DENND2B: variants seen among roughly 807,000 people sequenced by gnomAD.
The protein encoded by DENND2B is DENN domain containing 2B, also known as DENN domain-containing protein 2B.
DENND2B carries 32 observed loss-of-function variants against 116.0 expected under a neutral mutation model. The observed-to-expected ratio is 0.28, with a 90% CI of 0.21 to 0.37. The LOEUF is 0.37. Among genes scored for constraint, DENND2B ranks in the 10% least tolerant of loss-of-function variants. The pLI, the probability that DENND2B is intolerant of heterozygous loss-of-function variation, is 1.00. For synonymous variants in DENND2B, 588 were observed against 583.9 expected, an observed-to-expected ratio of 1.01 and a Z score of -0.10; for missense variants, 1,276 against 1,477.7, an observed-to-expected ratio of 0.86 and a Z score of 2.24.
intron 1 of DENND2B, among the ~76,000 whole-genome samples, chr11:8,908,705 C>T (rs531373081): frequency 6.6e-6 from 1 of 152,360 alleles, no homozygotes; most frequent in Admixed American, 6.5e-5. Context: ...ATCCTCCCAG[C>T]TGAACATAGT....
At chr11:8,698,073 C>G in intron 16 of DENND2B, 1 of 296,406 alleles carries the variant, frequency 3.4e-6, no homozygotes, top group Admixed American at 5.2e-5. Flanking sequence ...CCAGGCAGGT[C>G]GAGGCTGCAG....
chr11:8,852,316 G>A (rs1008262564), intron 3 of DENND2B, among the ~76,000 whole-genome samples: 3 of 152,110 alleles, frequency 2.0e-5, no homozygotes, highest in African/African-American at 4.8e-5. Flanking sequence ...AAGAGCTTTC[G>A]TGGTTCATTA....
chr11:8,727,498 C>T (rs1006911790), intron 3 of DENND2B, among the ~76,000 whole-genome samples: 2 of 152,174 alleles, frequency 1.3e-5, no homozygotes, highest in African/African-American at 4.8e-5. Context: ...TCTCCTTTTC[C>T]ATTTGCCTTT....
At position 8,702,918 on chromosome 11, in the gene DENND2B, C is replaced by G. The variant is rs1388533540; in HGVS notation, c.2572-198G>C. On this transcript the variant is annotated intron_variant, in intron 13 of 19. Coordinates refer to ENST00000313726, the MANE Select transcript of DENND2B (RefSeq NM_213618.2). This position sits in a 1 kb window ranked among gnomAD's most constrained non-coding sequence, Gnocchi z 4.6. ...GCTCTCGTAGCACTCGAACACCCAG[C>G]CTGTGGGCAAGAGGGCTGCCTGTGA... 2 of 672,244 alleles carry G rather than the reference C, an allele frequency of 3.0e-6. No individual in the cohort carries two copies. The highest frequency in any genetic ancestry group is 2.9e-5 in the East Asian group (1 of 34,544). 41.6% of individuals were successfully genotyped at this position (672,244 alleles called of 1,614,324 possible).
intron 1 of DENND2B, among the ~76,000 whole-genome samples, chr11:8,801,088 A>G (rs2060267781): frequency 6.6e-6 from 1 of 151,204 alleles, no homozygotes; most frequent in Non-Finnish European, 1.5e-5. Context: ...AGCCTTCCCA[A>G]TTCCCATTCT....
chr11:8,802,299 G>A (rs1355495050), intron 1 of DENND2B, among the ~76,000 whole-genome samples: 13 of 144,584 alleles, frequency 9.0e-5, no homozygotes, highest in African/African-American at 1.0e-4. Flanking sequence ...ACTCTGTCTG[G>A]AAAAAAAAAA....
chr11:8,836,572 C>T lies in DENND2B; in HGVS notation c.-115+2738G>A, dbSNP rs112161288. Among the ~76,000 whole-genome samples, 413 of 152,090 alleles carry T rather than the reference C, an allele frequency of 2.7e-3. 2 individuals are homozygous for T. The highest frequency in any genetic ancestry group is 9.7e-3 in the African/African-American group (402 of 41,458). ...AAGTAGCTGTGATTACAGGCATTCG[C>T]CACCATACCCGGCTAATTTTTGTAT... On this transcript the variant is annotated intron_variant, in intron 4 of 6. Transcript: ENST00000524757.
chr11:8,714,579 C>A (rs1336696146), intron 7 of DENND2B, 31 bp downstream of exon 7: 1 of 1,594,466 alleles, frequency 6.3e-7, no homozygotes, highest in Non-Finnish European at 8.6e-7. Flanking sequence ...GGGCCCCAAA[C>A]AGCTGAACCA....
intron 1 of DENND2B, among the ~76,000 whole-genome samples, chr11:8,767,107 G>A (rs930293868): frequency 1.3e-4 from 20 of 152,208 alleles, no homozygotes; most frequent in Admixed American, 6.5e-4. Context: ...GCTCCAGGCT[G>A]GAACACTCCC....
chr11:8,824,669 G>A (rs1404053889), intron 4 of DENND2B, among the ~76,000 whole-genome samples: 3 of 151,696 alleles, frequency 2.0e-5, no homozygotes, highest in Non-Finnish European at 2.9e-5. Flanking sequence ...ACATGTGCTT[G>A]TATCTTTATA....
chr11:8,819,090 T>C (rs1241556969), intron 4 of DENND2B, among the ~76,000 whole-genome samples: 1 of 152,228 alleles, frequency 6.6e-6, no homozygotes, highest in African/African-American at 2.4e-5. Context: ...TATTGTTTTA[T>C]AGCAGGTAGA....
intron 11 of DENND2B, among the ~76,000 whole-genome samples, chr11:8,710,222 A>G (rs1210524390): frequency 6.6e-6 from 1 of 152,116 alleles, no homozygotes; most frequent in Non-Finnish European, 1.5e-5. Context: ...TACCCAATCT[A>G]TTTCCCAGGA....
At chr11:8,748,930 T>G (rs1176101702) in intron 2 of DENND2B, among the ~76,000 whole-genome samples, 1 of 151,730 alleles carries the variant, frequency 6.6e-6, no homozygotes, top group Admixed American at 6.6e-5. Flanking sequence ...ATGGTGGAAA[T>G]TAGAAGGAAA....
chr11:8,718,340 G>A (rs1287033048), intron 4 of DENND2B: 15 of 1,530,364 alleles, frequency 9.8e-6, no homozygotes, highest in Non-Finnish European at 1.3e-5. Context: ...ACTCTCAGGG[G>A]ATCTCCCTGG....
At chr11:8,817,079 A>G (rs75352368) in intron 4 of DENND2B, among the ~76,000 whole-genome samples, 4,871 of 152,264 alleles carry the variant, frequency 0.032, 260 homozygotes, top group African/African-American at 0.11. Context: ...GAAAGGTGCT[A>G]AATTACAGAA....
intron 3 of DENND2B, among the ~76,000 whole-genome samples, chr11:8,728,965 G>A (rs2047606337): frequency 6.6e-6 from 1 of 152,212 alleles, no homozygotes; most frequent in Non-Finnish European, 1.5e-5. Flanking sequence ...GCATTCTGGG[G>A]TGGACTCAAA....
intron 1 of DENND2B, chr11:8,808,338 C>A (rs2134474678): frequency 6.6e-6 from 1 of 152,368 alleles, no homozygotes; most frequent in East Asian, 1.9e-4. Context: ...CACAACTCTA[C>A]AGGCAGCTGT....
intron 1 of DENND2B, among the ~76,000 whole-genome samples, chr11:8,779,757 G>A (rs891532139): frequency 4.6e-5 from 7 of 151,868 alleles, no homozygotes; most frequent in Non-Finnish European, 7.4e-5. Context: ...CAGGTGATCC[G>A]CCCCGCCTCA....
At position 8,790,873 on chromosome 11, in the gene DENND2B, G is replaced by A. The variant is rs369015783; in HGVS notation, c.-26+19644C>T. 3.9e-5 allele frequency among the ~76,000 whole-genome samples: 6 copies of A among 152,298 alleles called. No individual in the cohort carries two copies. In the South Asian group the frequency reaches 6.2e-4, roughly 16 times the overall value. ...TCCTAAACTCTAACTTTTCTTTTCT[G>A]AGTTCGCAAGTTCACAACCCTTGGA... On this transcript the variant is annotated intron_variant, in intron 1 of 19. Transcript: ENST00000313726.
Sources: allele counts gnomAD v4.1 joint callset (sites outside exome capture counted in the v4.1 genomes callset), GRCh38; gene constraint gnomAD v4.1.1; non-coding constraint Gnocchi (gnomAD v3.1); transcripts MANE v1.5; gene names NCBI Gene and HGNC (gene_info 2026-07-23, HGNC 2026-07-21).